KIF13B: variants seen among roughly 807,000 people sequenced by gnomAD.
KIF13B encodes the protein kinesin-like protein KIF13B.
A neutral mutation model predicts 222.0 loss-of-function variants in KIF13B; 127 were observed. The observed-to-expected ratio is 0.57, with a 90% confidence interval of 0.50 to 0.66. The LOEUF (loss-of-function observed/expected upper bound fraction) is 0.66, where lower values mean the gene tolerates loss of function less well. Ranked by LOEUF, KIF13B falls within the 30% of genes least tolerant of loss-of-function variation. The probability of loss-of-function intolerance (pLI) is 0.00; values close to 1 mark genes in which losing one functional copy is unlikely to be tolerated. For missense variants in KIF13B, 2,173 were observed against 2,379.0 expected, an observed-to-expected ratio of 0.91 and a Z score of 1.80; for synonymous variants, 976 against 919.0, an observed-to-expected ratio of 1.06 and a Z score of -1.12.
rs1811074896 is a variant in KIF13B at position 29,146,666 on chromosome 8, C to A, written c.2025-126G>T. 3 of 781,524 alleles carry A rather than the reference C, an allele frequency of 3.8e-6. No individual in the cohort carries two copies. The African/African-American group carries it at 5.2e-5, about 14-fold the overall frequency. The allele number at this position is 781,524 out of a possible 1,614,324, so 48.4% of individuals were successfully genotyped here. A position where few individuals can be genotyped will look rare whatever the true frequency, so the allele number is the denominator to read the frequency against. ...ATTGAGCTTTTTCCGTGGTCGTCTG[C>A]ACGCAGGGACTGTGTTGCTGACACT... On this transcript the variant is annotated intron_variant, in intron 17 of 39. Transcript: ENST00000524189.
At chr8:29,185,030 A>G (rs1812868919) in intron 6 of KIF13B, among the ~76,000 whole-genome samples, 2 of 151,974 alleles carry the variant, frequency 1.3e-5, no homozygotes, top group Admixed American at 1.3e-4. Flanking sequence ...CAGTGGTACA[A>G]TCTTGGCTCA....
chr8:29,177,664 G>A lies in KIF13B; in HGVS notation c.721-86C>T, dbSNP rs1812537713. On this transcript the variant is annotated intron_variant, in intron 8 of 39. Transcript: ENST00000524189. ...TGCCAGTAATCCCAGCACTTTGGGAGGACAAGGAAGGAGGATCACCTGAGC... is the reference window on the plus strand; with the variant it reads ...TGCCAGTAATCCCAGCACTTTGGGAAGACAAGGAAGGAGGATCACCTGAGC... The A allele has an allele frequency of 6.1e-5, 53 of 871,556 alleles. No homozygotes were observed. In the South Asian group the frequency reaches 6.9e-4, roughly 11 times the overall value. 54.0% of individuals were successfully genotyped at this position (871,556 alleles called of 1,614,324 possible).
chr8:29,221,069 G>C (rs1411988059), intron 2 of KIF13B, among the ~76,000 whole-genome samples: 1 of 150,610 alleles, frequency 6.6e-6, no homozygotes, highest in Non-Finnish European at 1.5e-5. Context: ...CTGAGCCCAG[G>C]GAAGCTGAGG....
At chr8:29,173,171 T>TCC (rs542513912) in intron 10 of KIF13B, among the ~76,000 whole-genome samples, 2 of 152,190 alleles carry the variant, frequency 1.3e-5, no homozygotes, top group South Asian at 4.1e-4. Flanking sequence ...CACCTAGGCC[T>TCC]CCCAAAGTGC....
intron 11 of KIF13B, among the ~76,000 whole-genome samples, chr8:29,166,386 G>A (rs1811999549): frequency 1.3e-5 from 2 of 152,168 alleles, no homozygotes; most frequent in African/African-American, 4.8e-5. Flanking sequence ...GTAACTGTGG[G>A]AAGAGAAATG....
chr8:29,072,156 A>AG lies in KIF13B; in HGVS notation c.4681dup (p.Leu1561ProfsTer3). On this transcript the variant is annotated frameshift_variant, in exon 39 of 40. Transcript: ENST00000524189. LOFTEE classifies it high-confidence loss of function. ...GAAGTACCCGCTAGAGGCTTCACTCAGGGGGCTGGGGGGCCCGTCCTGTGC... is the reference window on the plus strand; with the variant it reads ...GAAGTACCCGCTAGAGGCTTCACTCAGGGGGGCTGGGGGGCCCGTCCTGTGC... 7.1e-7 allele frequency: 1 copy of AG among 1,416,350 alleles called. No homozygotes were observed. Among genetic ancestry groups the AG allele is most frequent in the Non-Finnish European group, 9.2e-7 (1 of 1,084,324 alleles). The allele number at this position is 1,416,350 out of a possible 1,614,324, so 87.7% of individuals were successfully genotyped here. A position where few individuals can be genotyped will look rare whatever the true frequency, so the allele number is the denominator to read the frequency against.
chr8:29,080,540 C>T (rs527893585), intron 37 of KIF13B, among the ~76,000 whole-genome samples: 14 of 152,300 alleles, frequency 9.2e-5, no homozygotes, highest in Admixed American at 6.5e-4. Flanking sequence ...CCACCCTGTG[C>T]GCCTGGAGGC....
At chr8:29,142,095 C>G in intron 19 of KIF13B, 62 bp downstream of exon 19, 1 of 1,399,068 alleles carries the variant, frequency 7.1e-7, no homozygotes, top group Non-Finnish European at 1.0e-6. Context: ...AATGGGTAGA[C>G]TCATTCCAGC....
intron 1 of KIF13B, among the ~76,000 whole-genome samples, chr8:29,257,431 A>T (rs544349593): frequency 2.0e-5 from 3 of 151,996 alleles, no homozygotes; most frequent in African/African-American, 7.3e-5. Context: ...CTCAATCAGC[A>T]CTTCAATCCA....
chr8:29,109,601 C>T (rs1809258993), intron 33 of KIF13B, 90 bp from the exon 34 acceptor site: 2 of 996,956 alleles, frequency 2.0e-6, no homozygotes, highest in East Asian at 4.7e-5. Context: ...CAACCCCCAT[C>T]TATACAGACA....
chr8:29,255,293 A>T (rs572335333), intron 1 of KIF13B, among the ~76,000 whole-genome samples: 74 of 152,320 alleles, frequency 4.9e-4, no homozygotes, highest in African/African-American at 1.7e-3. Flanking sequence ...CTAAAAACCA[A>T]GAAGAAAAAA....
intron 37 of KIF13B, among the ~76,000 whole-genome samples, chr8:29,080,327 CA>C (rs5890439): frequency 2.2e-3 from 150 of 67,150 alleles, no homozygotes; most frequent in African/African-American, 6.9e-3. Context: ...GACCCAGTCT[CA>C]AAAAAAAAAA....
Position 29,070,823 on chromosome 8 carries a change from C to A in KIF13B, c.5219-57G>T, listed in dbSNP as rs1807235378. 6.5e-7 allele frequency: 1 copy of A among 1,549,222 alleles called. No individual in the cohort carries two copies. The highest frequency in any genetic ancestry group is 1.2e-5 in the South Asian group (1 of 84,300). On this transcript the variant is annotated intron_variant, in intron 39 of 39. Coordinates refer to ENST00000524189, the MANE Select transcript of KIF13B (RefSeq NM_015254.4). This position sits in a 1 kb window ranked among gnomAD's most constrained non-coding sequence, Gnocchi z 4.1. ...CAGCCGAGCTGCAGACGGCCCCCTG[C>A]ACCTCCCTTACCTCTGCAGAGGCCA...
Position 29,186,303 on chromosome 8 carries a change from A to G in KIF13B, c.486T>C (p.Leu162=). 1 of 1,611,964 alleles carries G rather than the reference A, an allele frequency of 6.2e-7. No homozygotes were observed. The highest frequency in any genetic ancestry group is 1.3e-5 in the African/African-American group (1 of 74,928). The part of the protein sequence containing the change: ...EIYNEKVRDL[L]DPKGSRQTLK... ...TCAAAGTCCTTTACCCTTTGGGATC[A>G]AGAAGGTCTCGAACTTTTTCATTAT... is the stretch of plus-strand genomic sequence containing the variant. The change falls in exon 6 of 40, where the codon CTT becomes CTC. Residue 162 remains leucine (L), a synonymous_variant. Coordinates refer to ENST00000524189, the MANE Select transcript of KIF13B (RefSeq NM_015254.4).
chr8:29,108,761 A>C (rs1230686333), intron 34 of KIF13B, among the ~76,000 whole-genome samples: 1 of 152,208 alleles, frequency 6.6e-6, no homozygotes, highest in East Asian at 1.9e-4. Context: ...TCTCTCAGAC[A>C]CTAAGGCCAA....
At position 29,158,237 on chromosome 8, in the gene KIF13B, T is replaced by C. The variant is rs982343122; in HGVS notation, c.1405-2381A>G. On this transcript the variant is annotated intron_variant, in intron 13 of 39. Transcript: ENST00000524189. ...CTCCTTCCATGACACTGACTGACTGTGGGTTTACTGTCCATCTTGTATTCC... is the reference window on the plus strand; with the variant it reads ...CTCCTTCCATGACACTGACTGACTGCGGGTTTACTGTCCATCTTGTATTCC... 3.3e-5 allele frequency among the ~76,000 whole-genome samples: 5 copies of C among 152,268 alleles called. No individual in the cohort carries two copies. The South Asian group carries it at 1.0e-3, about 32-fold the overall frequency.
intron 21 of KIF13B, among the ~76,000 whole-genome samples, chr8:29,137,080 G>A (rs1438465361): frequency 7.2e-5 from 11 of 152,144 alleles, no homozygotes; most frequent in African/African-American, 2.7e-4. Context: ...GATTACAGAC[G>A]TGAGCCGCCG....
chr8:29,135,265 G>C (rs1272427229), intron 21 of KIF13B, among the ~76,000 whole-genome samples: 1 of 152,022 alleles, frequency 6.6e-6, no homozygotes, highest in African/African-American at 2.4e-5. Flanking sequence ...GACTGGTTTT[G>C]AATTCCTGAG....
Position 29,188,585 on chromosome 8 carries a change from G to A in KIF13B, c.246C>T (p.Cys82=). 2 of 1,610,992 alleles carry A rather than the reference G, an allele frequency of 1.2e-6. No homozygotes were observed. The highest frequency in any genetic ancestry group is 1.7e-6 in the Non-Finnish European group (2 of 1,177,846). Residue 82 remains cysteine, a synonymous_variant, in exon 5 of 40, where the codon TGC becomes TGT. Coordinates refer to ENST00000524189, the MANE Select transcript of KIF13B (RefSeq NM_015254.4). ...CATTCTGCAGGATATTCTCTCCAAG[G>A]CACTTGAAAACAATATCTTGACCTG... ...KYAGQDIVFK[C]LGENILQNAF... is the part of the protein sequence containing the mutation.
Sources: gnomAD v4.1 joint callset for allele counts (sites outside exome capture counted in the v4.1 genomes callset) on GRCh38, gnomAD v4.1.1 for gene constraint, Gnocchi (gnomAD v3.1) non-coding constraint, MANE v1.5 for transcripts, NCBI Gene and HGNC (gene_info 2026-07-23, HGNC 2026-07-21) for gene names.